Variants in NKAIN1 observed in about 807,000 individuals in gnomAD.
NKAIN1 encodes sodium/potassium-transporting ATPase subunit beta-1-interacting protein 1.
NKAIN1 carries 13 observed loss-of-function variants against 31.6 expected under a neutral mutation model. The ratio of observed to expected loss-of-function variants is 0.41; its 90% CI spans 0.27 to 0.65. The LOEUF (loss-of-function observed/expected upper bound fraction) is 0.65. NKAIN1 is among the 30% of genes least tolerant of loss of function. The probability of loss-of-function intolerance (pLI) is 0.30; values close to 1 mark genes in which losing one functional copy is unlikely to be tolerated. For missense variants in NKAIN1, 193 were observed against 262.2 expected, an observed-to-expected ratio of 0.74 and a Z score of 1.82; for synonymous variants, 104 against 109.0, an observed-to-expected ratio of 0.95 and a Z score of 0.28.
Position 31,191,147 on chromosome 1 carries a change from T to C in NKAIN1, c.55-2960A>G, listed in dbSNP as rs998357785. 5.9e-5 allele frequency among the ~76,000 whole-genome samples: 9 copies of C among 152,136 alleles called. No homozygotes were observed. In the South Asian group the frequency reaches 1.2e-3, roughly 21 times the overall value. ...CTCTACTGAAAATACGAAAGTTAGC[T>C]GGGTGTGGTGGCACATGCCTGTATT... On this transcript the variant is annotated intron_variant, in intron 1 of 6. Coordinates refer to ENST00000373736, the MANE Select transcript of NKAIN1 (RefSeq NM_024522.3).
At chr1:31,197,017 G>A (rs537528236) in intron 1 of NKAIN1, among the ~76,000 whole-genome samples, 2 of 150,928 alleles carry the variant, frequency 1.3e-5, no homozygotes, top group South Asian at 2.1e-4. Flanking sequence ...AGAAGAGTCA[G>A]TATTATTTAA....
Position 31,181,440 on chromosome 1 carries a change from C to CAAACAAA in NKAIN1, c.*256_*262dup. On this transcript the variant is annotated 3_prime_UTR_variant, in exon 7 of 7. Transcript: ENST00000373736. The stretch of plus-strand genomic sequence containing the variant: ...CGCCAAGGCTGAGATTAAAAACAAA[C>CAAACAAA]AAACAAAAAACAAAAAACCCGTGGT... The CAAACAAA allele has an allele frequency of 2.5e-6, 1 of 400,618 alleles. No homozygotes were observed. Among genetic ancestry groups the CAAACAAA allele is most frequent in the Non-Finnish European group, 4.4e-6 (1 of 226,784 alleles). The allele number at this position is 400,618 out of a possible 1,614,324, so 24.8% of individuals were successfully genotyped here. A position where few individuals can be genotyped will look rare whatever the true frequency, so the allele number is the denominator to read the frequency against.
intron 1 of NKAIN1, among the ~76,000 whole-genome samples, chr1:31,237,100 A>G (rs995265184): frequency 1.3e-5 from 2 of 152,104 alleles, no homozygotes; most frequent in Admixed American, 1.3e-4. Context: ...AACACAAAAA[A>G]ATTAGCTAGG....
At position 31,239,610 on chromosome 1, in the gene NKAIN1, C is replaced by G. The variant is rs1380522600; in HGVS notation, c.-63G>C. 1 of 1,004,626 alleles carries G rather than the reference C, an allele frequency of 1.0e-6. No homozygotes were observed. The allele number at this position is 1,004,626 out of a possible 1,614,324, so 62.2% of individuals were successfully genotyped here. ...CTTCTTGCTCCGCGGCCGCCGCCTG[C>G]TCGCGCCGCGCGGGCTCCACGTCCT... On this transcript the variant is annotated 5_prime_UTR_variant, in exon 1 of 7. Transcript: ENST00000373736. The surrounding 1 kb of genome is among the most constrained non-coding windows in gnomAD (Gnocchi z 4.8).
At chr1:31,229,947 G>A (rs1024319248) in intron 1 of NKAIN1, among the ~76,000 whole-genome samples, 1 of 152,144 alleles carries the variant, frequency 6.6e-6, no homozygotes, top group African/African-American at 2.4e-5. Context: ...TTAGTGAGTG[G>A]CAGCCTGTGC....
chr1:31,188,443 C>T (rs1038777617), intron 1 of NKAIN1: 21 of 444,096 alleles, frequency 4.7e-5, no homozygotes, highest in East Asian at 3.5e-4. Context: ...TTCCCTCTAG[C>T]GGCTCAAGCT....
intron 1 of NKAIN1, among the ~76,000 whole-genome samples, chr1:31,192,301 A>G (rs1431620019): frequency 6.6e-6 from 1 of 152,042 alleles, no homozygotes; most frequent in East Asian, 1.9e-4. Context: ...TTATCCATCC[A>G]TCCCACATCT....
chr1:31,201,814 G>A (rs192347412), intron 1 of NKAIN1, among the ~76,000 whole-genome samples: 3 of 152,230 alleles, frequency 2.0e-5, no homozygotes, highest in East Asian at 1.9e-4. Flanking sequence ...AGATTTGGCC[G>A]CCCAGCCTGT....
At chr1:31,186,816 G>A (rs1347375230) in intron 2 of NKAIN1, among the ~76,000 whole-genome samples, 1 of 150,476 alleles carries the variant, frequency 6.6e-6, no homozygotes, top group Non-Finnish European at 1.5e-5. Context: ...GGGACTGGGA[G>A]CAGCAATGCT....
chr1:31,220,711 T>C (rs1235689334), intron 1 of NKAIN1, among the ~76,000 whole-genome samples: 1 of 129,068 alleles, frequency 7.7e-6, no homozygotes, highest in Non-Finnish European at 1.5e-5. Context: ...GCCAAGATAG[T>C]GCCACTGCAC....
chr1:31,224,146 T>C (rs1569576782), intron 1 of NKAIN1, among the ~76,000 whole-genome samples: 1 of 152,178 alleles, frequency 6.6e-6, no homozygotes, highest in Non-Finnish European at 1.5e-5. Flanking sequence ...AGGAGCTGAA[T>C]GGGCAGCTGC....
intron 1 of NKAIN1, among the ~76,000 whole-genome samples, chr1:31,217,183 G>C (rs1352676428): frequency 6.6e-6 from 1 of 151,784 alleles, no homozygotes; most frequent in Admixed American, 6.6e-5. Context: ...TTTTGTTTTA[G>C]AGACAGGGTC....
intron 1 of NKAIN1, among the ~76,000 whole-genome samples, chr1:31,192,642 C>T (rs758386809): frequency 2.0e-5 from 3 of 151,978 alleles, no homozygotes; most frequent in South Asian, 4.2e-4. Flanking sequence ...GCTCCACTTC[C>T]GGGGTTCACG....
intron 1 of NKAIN1, among the ~76,000 whole-genome samples, chr1:31,200,720 C>T (rs1645373575): frequency 6.6e-6 from 1 of 152,124 alleles, no homozygotes; most frequent in Non-Finnish European, 1.5e-5. Flanking sequence ...GCCTTGGCCT[C>T]TCAAGGTGTT....
chr1:31,225,432 T>TC (rs11412250), intron 1 of NKAIN1, among the ~76,000 whole-genome samples: 59,792 of 147,532 alleles, frequency 0.41, 15,082 homozygotes, highest in African/African-American at 0.72. Context: ...CCTCCTGGGT[T>TC]AAGCAATTCT....
intron 1 of NKAIN1, among the ~76,000 whole-genome samples, chr1:31,192,091 C>G (rs556294391): frequency 8.5e-5 from 13 of 152,222 alleles, no homozygotes; most frequent in African/African-American, 3.1e-4. Flanking sequence ...TTGGCTTTAT[C>G]CAAGTCCTCC....
chr1:31,226,437 C>T (rs147964604), intron 1 of NKAIN1, among the ~76,000 whole-genome samples: 2,421 of 152,176 alleles, frequency 0.016, 166 homozygotes, highest in Admixed American at 0.13. Context: ...GTCTAAGGGA[C>T]CCTGGGACTC....
Position 31,181,844 on chromosome 1 carries a change from G to A in NKAIN1, c.614+16C>T, listed in dbSNP as rs767060067. ...ACGCCCAGGCCTCCCCAAGCCAGCAGGGGGCCGTGACCCACGTGTACAGAG... is the reference window on the plus strand; with the variant it reads ...ACGCCCAGGCCTCCCCAAGCCAGCAAGGGGCCGTGACCCACGTGTACAGAG... On this transcript the variant is annotated intron_variant, in intron 6 of 6. Transcript: ENST00000373736. 1.5e-5 allele frequency: 24 copies of A among 1,600,080 alleles called. No homozygotes were observed. The highest frequency in any genetic ancestry group is 1.7e-5 in the Non-Finnish European group (20 of 1,174,114).
intron 1 of NKAIN1, among the ~76,000 whole-genome samples, chr1:31,214,829 G>C (rs1301817462): frequency 6.6e-6 from 1 of 152,266 alleles, no homozygotes; most frequent in Non-Finnish European, 1.5e-5. Context: ...CAGGTGGCTA[G>C]AGCTGGGGGA....
Sources: gnomAD v4.1 joint callset for allele counts (sites outside exome capture counted in the v4.1 genomes callset) on GRCh38, gnomAD v4.1.1 for gene constraint, Gnocchi (gnomAD v3.1) non-coding constraint, MANE v1.5 for transcripts, NCBI Gene and HGNC (gene_info 2026-07-23, HGNC 2026-07-21) for gene names.